Variants in BCL9 observed in about 807,000 individuals in gnomAD.
BCL9 encodes the protein BCL9 transcription coactivator.
In BCL9, 25 loss-of-function variants were observed where a neutral mutation model predicts 88.5. The observed-to-expected ratio is 0.28, with a 90% CI of 0.21 to 0.39. The LOEUF is 0.39. BCL9 is among the 10% of genes least tolerant of loss of function. The pLI is 1.00. For synonymous variants in BCL9, 711 were observed against 673.3 expected, an observed-to-expected ratio of 1.06 and a Z score of -0.87; for missense variants, 1,817 against 1,877.8, an observed-to-expected ratio of 0.97 and a Z score of 0.60.
chr1:147,542,303 A>C (rs1212938847), intron 1 of BCL9, among the ~76,000 whole-genome samples: 1 of 152,264 alleles, frequency 6.6e-6, no homozygotes, highest in Admixed American at 6.5e-5. Flanking sequence ...CTCTGCCACA[A>C]GACGATCCAG....
At position 147,573,484 on chromosome 1, in the gene BCL9, C is replaced by A. The variant is rs1264185860; in HGVS notation, c.-477-31293C>A. On this transcript the variant is annotated intron_variant, in intron 1 of 9. Transcript: ENST00000234739. ...AAAAGAATAAGGTTGAAAGGCTCAC[C>A]CTTGAAGATGTTTTCTCTAGTTCCT... Among the ~76,000 whole-genome samples, 26 of 152,064 alleles carry A rather than the reference C, an allele frequency of 1.7e-4. 1 individual carries two copies. The highest frequency in any genetic ancestry group is 1.6e-3 in the Admixed American group (25 of 15,256).
intron 1 of BCL9, among the ~76,000 whole-genome samples, chr1:147,565,697 A>G (rs1283635323): frequency 3.3e-5 from 5 of 152,192 alleles, no homozygotes; most frequent in Non-Finnish European, 7.3e-5. Flanking sequence ...ATTATGAAAT[A>G]TTGGATCTTT....
rs781930096 is a variant in BCL9, at chr1:147,621,021, A to G, written c.2866A>G (p.Met956Val). The G allele has an allele frequency of 2.5e-6, 4 of 1,613,714 alleles. No homozygotes were observed. The East Asian group carries it at 6.7e-5, about 27-fold the overall frequency. The change falls in exon 8 of 10, where the codon ATG becomes GTG. Residue 956 changes from methionine (M) to valine (V), a missense_variant. Physicochemically the swap from Met to Val is conservative, Grantham distance 21. This residue lies in a region of BCL9 where 589 missense variants were observed against 686.2 expected (regional missense o/e 0.86). Coordinates refer to ENST00000234739, the MANE Select transcript of BCL9 (RefSeq NM_004326.4). The part of the protein sequence containing the change: ...IPPNHKAPLT[M>V]ASPAMLGNVE... ...TCCAAACCATAAAGCACCCCTCACC[A>G]TGGCCTCCCCAGCCATGCTGGGAAA...
chr1:147,611,874 C>T lies in BCL9; in HGVS notation c.38C>T (p.Ser13Leu), dbSNP rs1658020860. 3 of 1,614,022 alleles carry T rather than the reference C, an allele frequency of 1.9e-6. No homozygotes were observed. Among genetic ancestry groups the T allele is most frequent in the South Asian group, 1.1e-5 (1 of 91,086 alleles). Residue 13 changes from serine (S) to leucine (L), a missense_variant, in exon 4 of 10, where the codon TCA becomes TTA. Coordinates refer to ENST00000234739, the MANE Select transcript of BCL9 (RefSeq NM_004326.4). ...SSNPKVRSSP[S>L]GNTQSSPKSK... ...AACCCTAAAGTGAGGAGCTCTCCATCAGGAAACACACAGAGGTAAGGGCTG... is the reference window on the plus strand; with the variant it reads ...AACCCTAAAGTGAGGAGCTCTCCATTAGGAAACACACAGAGGTAAGGGCTG...
chr1:147,554,756 G>T (rs587686973), intron 1 of BCL9, among the ~76,000 whole-genome samples: 1 of 152,138 alleles, frequency 6.6e-6, no homozygotes, highest in Admixed American at 6.5e-5. Flanking sequence ...GTTTCTACAT[G>T]GGTAAAATGG....
chr1:147,584,510 C>G (rs953279921), intron 1 of BCL9, among the ~76,000 whole-genome samples: 40 of 152,052 alleles, frequency 2.6e-4, no homozygotes, highest in African/African-American at 9.2e-4. Context: ...GTTGACTAAT[C>G]TTTTTTTTAA....
Position 147,609,377 on chromosome 1 carries a change from A to C in BCL9, c.-259-2201A>C, listed in dbSNP as rs115253706. Among the ~76,000 whole-genome samples, 799 of 152,344 alleles carry C rather than the reference A, an allele frequency of 5.2e-3. 2 individuals carry two copies. Among genetic ancestry groups the C allele is most frequent in the African/African-American group, 0.018 (769 of 41,574 alleles). ...ATTGAAAAACTTAGATTTTGATCCC[A>C]GTCACTGGGTGAACCCACATGCTTA... On this transcript the variant is annotated intron_variant, in intron 3 of 9. Transcript: ENST00000234739.
Position 147,614,600 on chromosome 1 carries a change from A to G in BCL9, c.544A>G (p.Thr182Ala), listed in dbSNP as rs782763303. 1.8e-5 allele frequency: 29 copies of G among 1,612,180 alleles called. No individual in the cohort carries two copies. In the South Asian group the frequency reaches 3.0e-4, roughly 17 times the overall value. Reference protein sequence around the residue: ...TPAKVVYVFSTEMANKAAEAV... With the variant: ...TPAKVVYVFSAEMANKAAEAV... ...AGCCAAAGTGGTGTACGTGTTTTCT[A>G]CTGAGATGGCCAATAAGTAAGTTGA... The change falls in exon 6 of 10, where the codon ACT (threonine) becomes GCT (alanine). Residue 182 changes from threonine (T) to alanine (A), a missense_variant. Transcript: ENST00000234739.
intron 1 of BCL9, among the ~76,000 whole-genome samples, chr1:147,555,647 T>C (rs1262356517): frequency 6.6e-6 from 1 of 152,262 alleles, no homozygotes; most frequent in Non-Finnish European, 1.5e-5. Context: ...GGCTTCCTAT[T>C]AGACTTCTGA....
intron 5 of BCL9, among the ~76,000 whole-genome samples, chr1:147,613,692 A>G (rs1443281100): frequency 6.6e-6 from 1 of 152,134 alleles, no homozygotes; most frequent in African/African-American, 2.4e-5. Context: ...AGTAGTCCAG[A>G]TTTGTTACAG....
chr1:147,545,813 G>A, intron 1 of BCL9, among the ~76,000 whole-genome samples: 1 of 152,066 alleles, frequency 6.6e-6, no homozygotes, highest in Non-Finnish European at 1.5e-5. Context: ...TAAAATATCT[G>A]CTTAGTCCTC....
chr1:147,568,570 G>A (rs1655720732), intron 1 of BCL9, among the ~76,000 whole-genome samples: 1 of 152,014 alleles, frequency 6.6e-6, no homozygotes. Flanking sequence ...CCTACCGAGG[G>A]GGATTTTTTT....
chr1:147,606,062 T>C (rs1368282440), intron 2 of BCL9, among the ~76,000 whole-genome samples: 1 of 152,204 alleles, frequency 6.6e-6, no homozygotes, highest in Non-Finnish European at 1.5e-5. Flanking sequence ...GTCTGCAACT[T>C]GCTTCTCCCT....
chr1:147,549,214 C>T (rs1247919332), intron 1 of BCL9, among the ~76,000 whole-genome samples: 2 of 151,894 alleles, frequency 1.3e-5, no homozygotes, highest in South Asian at 2.1e-4. Context: ...TGACCTCAAG[C>T]GATCCACCCA....
chr1:147,570,498 T>A (rs1160971061), intron 1 of BCL9, among the ~76,000 whole-genome samples: 2 of 152,164 alleles, frequency 1.3e-5, no homozygotes, highest in African/African-American at 4.8e-5. Context: ...CTTTGCAGTA[T>A]CATCTTTGGG....
intron 1 of BCL9, among the ~76,000 whole-genome samples, chr1:147,573,866 G>GT (rs1178988672): frequency 2.0e-5 from 3 of 151,928 alleles, no homozygotes; most frequent in African/African-American, 7.3e-5. Context: ...TCAGTCATGT[G>GT]TTTTTTTCCC....
intron 1 of BCL9, among the ~76,000 whole-genome samples, chr1:147,545,850 A>G (rs947605548): frequency 6.6e-6 from 1 of 152,208 alleles, no homozygotes; most frequent in African/African-American, 2.4e-5. Context: ...TGAATTAAAC[A>G]GTATTGTTAT....
chr1:147,620,434 C>T lies in BCL9; in HGVS notation c.2279C>T (p.Ala760Val). The T allele has an allele frequency of 6.2e-7, 1 of 1,614,038 alleles. No individual in the cohort carries two copies. Among genetic ancestry groups the T allele is most frequent in the African/African-American group, 1.3e-5 (1 of 75,032 alleles). ...LRPGGSDMLP[A>V]QQKMVPLPFG... ...CCAGGTGGCTCAGACATGCTGCCTG[C>T]TCAGCAGAAGATGGTGCCACTGCCA... Residue 760 changes from alanine (A) to valine (V), a missense_variant, in exon 8 of 10, where the codon GCT becomes GTT. Physicochemically the swap from Ala to Val is moderately conservative, Grantham distance 64 (BLOSUM62 0). Transcript: ENST00000234739.
intron 1 of BCL9, among the ~76,000 whole-genome samples, chr1:147,543,351 T>C (rs1034213331): frequency 5.3e-5 from 8 of 152,188 alleles, no homozygotes; most frequent in Admixed American, 6.5e-5. Flanking sequence ...TAACTGCAAA[T>C]GTTTATCAGA....
Sources: gnomAD v4.1 joint callset for allele counts (sites outside exome capture counted in the v4.1 genomes callset) on GRCh38, gnomAD v4.1.1 for gene constraint, gnomAD v4.1.1 regional missense constraint, MANE v1.5 for transcripts, NCBI Gene and HGNC (gene_info 2026-07-23, HGNC 2026-07-21) for gene names.